The following AAK1 variants were observed in gnomAD, a reference collection of about 807,000 sequenced individuals.
AAK1 encodes the protein AP2 associated kinase 1.
In AAK1, 37 loss-of-function variants were observed where a neutral mutation model predicts 116.0. The observed-to-expected ratio is 0.32, with a 90% CI of 0.25 to 0.42. The LOEUF (loss-of-function observed/expected upper bound fraction) is 0.42. AAK1 is among the 10% of genes least tolerant of loss of function. The probability of loss-of-function intolerance (pLI) is 1.00; values close to 1 mark genes in which losing one functional copy is unlikely to be tolerated. For missense variants in AAK1, 919 were observed against 1,170.6 expected (o/e 0.79, Z 3.14); for synonymous variants, 458 against 439.9 (o/e 1.04, Z -0.51).
At chr2:69,535,637 A>G (rs1670435003) in intron 5 of AAK1, among the ~76,000 whole-genome samples, 1 of 152,110 alleles carries the variant, frequency 6.6e-6, no homozygotes, top group African/African-American at 2.4e-5. Flanking sequence ...CTGGATGAAG[A>G]AGGAGCAGCC....
intron 2 of AAK1, among the ~76,000 whole-genome samples, chr2:69,632,259 C>T (rs1288029517): frequency 6.6e-6 from 1 of 152,164 alleles, no homozygotes; most frequent in Non-Finnish European, 1.5e-5. Context: ...AGAACATATA[C>T]AAACATGCTG....
chr2:69,486,018 G>A (rs1305128748), intron 17 of AAK1, among the ~76,000 whole-genome samples: 5 of 151,746 alleles, frequency 3.3e-5, no homozygotes, highest in East Asian at 1.9e-4. Flanking sequence ...GCTGTGGAAC[G>A]ATCACGGCTC....
At chr2:69,594,866 T>C in intron 2 of AAK1, 2 of 1,557,906 alleles carry the variant, frequency 1.3e-6, no homozygotes, top group Non-Finnish European at 1.8e-6. Context: ...CTTAGCACAA[T>C]CTTCTTTGTA....
intron 10 of AAK1, 130 bp downstream of exon 10, chr2:69,524,903 C>T (rs1425459742): frequency 2.4e-6 from 2 of 825,088 alleles, no homozygotes; most frequent in Non-Finnish European, 3.9e-6. Flanking sequence ...CTAGGCAAGA[C>T]AGAGCTTGCT....
In AAK1 at chr2:69,643,085, A is replaced by ATTTT. The variant is rs4067981; in HGVS notation, c.-49_-46dup. ...AAAGCAAAATACCGATGGTTTCTAG[A>ATTTT]TTTTTTTTTTTTTTTTTTTTTTTTA... On this transcript the variant is annotated 5_prime_UTR_variant, in exon 2 of 22. Coordinates refer to ENST00000409085, the MANE Select transcript of AAK1 (RefSeq NM_014911.5). The ATTTT allele has an allele frequency of 7.4e-4, 929 of 1,263,786 alleles. 3 individuals carry two copies. The highest frequency in any genetic ancestry group is 6.6e-3 in the African/African-American group (329 of 49,946). The allele number at this position is 1,263,786 out of a possible 1,614,324, so 78.3% of individuals were successfully genotyped here.
chr2:69,556,782 C>T (rs1186020356), intron 3 of AAK1, 78 bp downstream of exon 3: 4 of 1,152,164 alleles, frequency 3.5e-6, no homozygotes, highest in Non-Finnish European at 5.1e-6. Context: ...AGGGAACAAA[C>T]CCCGCTTGGC....
chr2:69,603,327 A>G (rs1056839162), intron 2 of AAK1, among the ~76,000 whole-genome samples: 4 of 152,188 alleles, frequency 2.6e-5, no homozygotes, highest in African/African-American at 9.7e-5. Flanking sequence ...AGCTTGTGAA[A>G]GCATCTTTAC....
chr2:69,505,299 A>T (rs1676141189), intron 16 of AAK1, among the ~76,000 whole-genome samples: 1 of 152,234 alleles, frequency 6.6e-6, no homozygotes, highest in South Asian at 2.1e-4. Flanking sequence ...CCTGTGGACT[A>T]GAGAGAACAA....
chr2:69,509,357 G>A lies in AAK1; in HGVS notation c.1880C>T (p.Thr627Ile), dbSNP rs1018275891. ...AATACGCCTGTGCCCAGCACGTTGG[G>A]TTTTGGGGGATGAGGGTGGAGTGAG... ...GSLTPPSSPK[T>I]QRAGHRRILS... Residue 627 changes from threonine (T) to isoleucine (I), a missense_variant, in exon 14 of 22, where the codon ACC (threonine) becomes ATC (isoleucine). By Grantham distance (89) the Thr-to-Ile change is moderately conservative (BLOSUM62 -1). This residue lies in a region of AAK1 where 125 missense variants were observed against 184.1 expected (regional missense o/e 0.68). Coordinates refer to ENST00000409085, the MANE Select transcript of AAK1 (RefSeq NM_014911.5). 3 of 1,613,906 alleles carry A rather than the reference G, an allele frequency of 1.9e-6. No individual in the cohort carries two copies. In the African/African-American group the frequency reaches 4.0e-5, roughly 22 times the overall value.
At position 69,495,172 on chromosome 2, in the gene AAK1, A is replaced by G. The variant is rs375705867; in HGVS notation, c.2365+813T>C. Reference sequence around the variant, plus strand: ...TTTGCTTTTGTGAAGAGACTGACAGATAAGAGAAAGGGCGGCTTCTCTTCC... The same window carrying G: ...TTTGCTTTTGTGAAGAGACTGACAGGTAAGAGAAAGGGCGGCTTCTCTTCC... On this transcript the variant is annotated intron_variant, in intron 17 of 21. Transcript: ENST00000409085. Among the ~76,000 whole-genome samples the G allele has an allele frequency of 7.0e-4, 106 of 152,334 alleles. No homozygotes were observed. The South Asian group carries it at 0.02, about 29-fold the overall frequency.
chr2:69,492,955 G>A (rs563461730), intron 17 of AAK1, among the ~76,000 whole-genome samples: 25 of 151,738 alleles, frequency 1.6e-4, no homozygotes, highest in African/African-American at 5.6e-4. Context: ...TGCTTTTTGC[G>A]GGGTAAAACC....
In AAK1 at chr2:69,468,591, C is replaced by T; in HGVS notation, c.*7278G>A. The stretch of plus-strand genomic sequence containing the variant: ...TCAAGCCAGTGACCAACTCTGGCAT[C>T]ATACAGGTCAATAATCCAATGAACA... On this transcript the variant is annotated 3_prime_UTR_variant, in exon 22 of 22. Transcript: ENST00000409085. 1.0e-6 allele frequency: 1 copy of T among 985,424 alleles called. No homozygotes were observed. The highest frequency in any genetic ancestry group is 1.2e-6 in the Non-Finnish European group (1 of 829,924). 61.0% of individuals were successfully genotyped at this position (985,424 alleles called of 1,614,324 possible).
In AAK1 at chr2:69,466,793, T is replaced by C. The variant is rs1674501378; in HGVS notation, c.*9076A>G. On this transcript the variant is annotated 3_prime_UTR_variant, in exon 22 of 22. Coordinates refer to ENST00000409085, the MANE Select transcript of AAK1 (RefSeq NM_014911.5). Reference sequence around the variant, plus strand: ...CGTACAGGAAAGGAGATGAAGATGTTAGGCACACAGACATTCAGCGTAACT... The same window carrying C: ...CGTACAGGAAAGGAGATGAAGATGTCAGGCACACAGACATTCAGCGTAACT... 3 of 985,268 alleles carry C rather than the reference T, an allele frequency of 3.0e-6. No individual in the cohort carries two copies. The highest frequency in any genetic ancestry group is 9.4e-5 in the South Asian group (2 of 21,288). 61.0% of individuals were successfully genotyped at this position (985,268 alleles called of 1,614,324 possible).
intron 3 of AAK1, among the ~76,000 whole-genome samples, chr2:69,554,855 G>C (rs1671324645): frequency 6.6e-6 from 1 of 152,190 alleles, no homozygotes; most frequent in Non-Finnish European, 1.5e-5. Flanking sequence ...AACTCTCACA[G>C]CTAATACGCC....
At chr2:69,539,173 A>G (rs1026051928) in intron 5 of AAK1, among the ~76,000 whole-genome samples, 2 of 152,106 alleles carry the variant, frequency 1.3e-5, no homozygotes, top group Admixed American at 6.6e-5. Flanking sequence ...CCTGGAAAGG[A>G]GGAGCTGGGG....
intron 2 of AAK1, among the ~76,000 whole-genome samples, chr2:69,590,352 C>T (rs1672977941): frequency 6.6e-6 from 1 of 152,244 alleles, no homozygotes; most frequent in South Asian, 2.1e-4. Flanking sequence ...GCAGAGGACA[C>T]TGGGGGCTTT....
chr2:69,470,273 T>C lies in AAK1; in HGVS notation c.*5596A>G, dbSNP rs74872735. 6.4e-5 allele frequency: 63 copies of C among 985,428 alleles called. 1 individual carries two copies. In the East Asian group the frequency reaches 1.4e-3, roughly 21 times the overall value. 61.0% of individuals were successfully genotyped at this position (985,428 alleles called of 1,614,324 possible). ...CATTGAGAAGAAGCCTTCTCACATA[T>C]AGTTAGTAAACAGAAAGCAAAATAT... On this transcript the variant is annotated 3_prime_UTR_variant, in exon 22 of 22. Transcript: ENST00000409085.
At chr2:69,618,651 C>T (rs571791872) in intron 2 of AAK1, among the ~76,000 whole-genome samples, 1 of 151,782 alleles carries the variant, frequency 6.6e-6, no homozygotes, top group South Asian at 2.1e-4. Flanking sequence ...CCCCCTCTGG[C>T]TCAGTCTCTA....
At chr2:69,628,399 A>G (rs1424715598) in intron 2 of AAK1, among the ~76,000 whole-genome samples, 1 of 151,988 alleles carries the variant, frequency 6.6e-6, no homozygotes, top group African/African-American at 2.4e-5. Context: ...GAACTTAAAA[A>G]CCATGTTTGC....
Sources: gnomAD v4.1 joint callset for allele counts (sites outside exome capture counted in the v4.1 genomes callset) on GRCh38, gnomAD v4.1.1 for gene constraint, gnomAD v4.1.1 regional missense constraint, MANE v1.5 for transcripts, NCBI Gene and HGNC (gene_info 2026-07-23, HGNC 2026-07-21) for gene names.